The following ALCAM variants were observed in gnomAD, a reference collection of about 807,000 sequenced individuals.
The protein encoded by ALCAM is activated leukocyte cell adhesion molecule.
ALCAM carries 30 observed loss-of-function variants against 70.9 expected under a neutral mutation model. That is an observed-to-expected ratio of 0.42 (90% CI 0.32 to 0.57). The LOEUF is 0.57. Ranked by LOEUF, ALCAM falls within the 20% of genes least tolerant of loss-of-function variation. The pLI is 0.11. For missense variants in ALCAM, 591 were observed against 695.1 expected (o/e 0.85, Z 1.68); for synonymous variants, 249 against 242.5 (o/e 1.03, Z -0.25).
At chr3:105,400,943 T>C (rs761925589) in intron 1 of ALCAM, among the ~76,000 whole-genome samples, 13 of 152,326 alleles carry the variant, frequency 8.5e-5, no homozygotes, top group Non-Finnish European at 2.9e-5. Context: ...TTTAAAAATG[T>C]GTATTAAAGC....
At chr3:105,558,273 C>A (rs1228571256) in intron 14 of ALCAM, among the ~76,000 whole-genome samples, 2 of 152,122 alleles carry the variant, frequency 1.3e-5, no homozygotes, top group East Asian at 1.9e-4. Context: ...ATGCCTCACA[C>A]CCGCTCTAAG....
intron 14 of ALCAM, among the ~76,000 whole-genome samples, chr3:105,555,379 G>T (rs1030616175): frequency 7.2e-5 from 11 of 152,012 alleles, no homozygotes; most frequent in Non-Finnish European, 1.5e-4. Context: ...TTTGCTGAGT[G>T]CTTTGCATTC....
intron 6 of ALCAM, among the ~76,000 whole-genome samples, chr3:105,536,274 A>G (rs1939966793): frequency 6.6e-6 from 1 of 151,950 alleles, no homozygotes; most frequent in African/African-American, 2.4e-5. Flanking sequence ...TTGTATTTTT[A>G]GTAGAGGTGG....
chr3:105,514,430 T>C (rs1222899689), intron 1 of ALCAM, among the ~76,000 whole-genome samples: 3 of 151,936 alleles, frequency 2.0e-5, no homozygotes, highest in Non-Finnish European at 2.9e-5. Context: ...ATTTCATGCT[T>C]GTAGAATAAC....
intron 1 of ALCAM, among the ~76,000 whole-genome samples, chr3:105,467,357 T>G (rs1303210367): frequency 2.0e-5 from 3 of 151,198 alleles, no homozygotes; most frequent in African/African-American, 7.3e-5. Context: ...GATGATATTT[T>G]TATCTAGTAC....
intron 14 of ALCAM, among the ~76,000 whole-genome samples, chr3:105,566,722 A>G (rs2152635296): frequency 6.6e-6 from 1 of 152,244 alleles, no homozygotes; most frequent in Non-Finnish European, 1.5e-5. Flanking sequence ...CTTTGTTGCT[A>G]TTATTGTCAC....
At chr3:105,506,429 T>G (rs529545197) in intron 1 of ALCAM, among the ~76,000 whole-genome samples, 1 of 152,326 alleles carries the variant, frequency 6.6e-6, no homozygotes, top group East Asian at 1.9e-4. Flanking sequence ...GGTTTGTTTG[T>G]TTGGTTTCCA....
chr3:105,518,981 T>C lies in ALCAM; in HGVS notation c.74-1086T>C, dbSNP rs528708678. Among the ~76,000 whole-genome samples the C allele has an allele frequency of 7.2e-5, 11 of 152,164 alleles. No homozygotes were observed. In the East Asian group the frequency reaches 2.1e-3, roughly 29 times the overall value. On this transcript the variant is annotated intron_variant, in intron 1 of 15. Coordinates refer to ENST00000306107, the MANE Select transcript of ALCAM (RefSeq NM_001627.4). ...TCTTCAGAAAGTCAGAAGATGGTTTTATTTATGTGTTGCAGATTGCCGTCG... is the reference window on the plus strand; with the variant it reads ...TCTTCAGAAAGTCAGAAGATGGTTTCATTTATGTGTTGCAGATTGCCGTCG...
intron 14 of ALCAM, among the ~76,000 whole-genome samples, chr3:105,563,996 T>C (rs544892315): frequency 1.3e-4 from 20 of 152,186 alleles, no homozygotes; most frequent in Admixed American, 1.2e-3. Flanking sequence ...CCATTTCTTA[T>C]TTAATTCTTT....
chr3:105,523,895 A>T (rs1304330386), intron 2 of ALCAM, among the ~76,000 whole-genome samples: 1 of 152,236 alleles, frequency 6.6e-6, no homozygotes, highest in Non-Finnish European at 1.5e-5. Flanking sequence ...ATTGCCCAAA[A>T]TATCCAAACC....
At chr3:105,542,348 A>G (rs1192745737) in intron 8 of ALCAM, among the ~76,000 whole-genome samples, 2 of 151,870 alleles carry the variant, frequency 1.3e-5, no homozygotes, top group African/African-American at 2.4e-5. Flanking sequence ...TGATCTCCAA[A>G]TACTCCAAAA....
intron 1 of ALCAM, among the ~76,000 whole-genome samples, chr3:105,414,795 A>G (rs1455814257): frequency 6.6e-6 from 1 of 152,118 alleles, no homozygotes; most frequent in East Asian, 1.9e-4. Flanking sequence ...GTGTGATCTT[A>G]TTTTGTATAT....
At chr3:105,370,747 G>C (rs995692909) in intron 1 of ALCAM, among the ~76,000 whole-genome samples, 5 of 151,296 alleles carry the variant, frequency 3.3e-5, no homozygotes, top group Non-Finnish European at 7.4e-5. Flanking sequence ...AAAGCGTGAA[G>C]GAGAGAAATT....
intron 1 of ALCAM, among the ~76,000 whole-genome samples, chr3:105,367,967 A>G (rs1050524457): frequency 2.6e-5 from 4 of 151,832 alleles, no homozygotes; most frequent in African/African-American, 9.7e-5. Context: ...AGGGGTAGAG[A>G]AGGAGAGGAC....
intron 14 of ALCAM, among the ~76,000 whole-genome samples, chr3:105,564,485 A>G (rs537085815): frequency 6.6e-6 from 1 of 152,306 alleles, no homozygotes; most frequent in East Asian, 1.9e-4. Context: ...ACCTTTGTCT[A>G]TCACTTTCAT....
intron 1 of ALCAM, among the ~76,000 whole-genome samples, chr3:105,417,983 C>T (rs1936548075): frequency 6.6e-6 from 1 of 151,118 alleles, no homozygotes; most frequent in Admixed American, 6.6e-5. Context: ...ATGCAGTGAT[C>T]TAAAGGTAAA....
At chr3:105,448,132 TC>T (rs768937918) in intron 1 of ALCAM, among the ~76,000 whole-genome samples, 97 of 152,328 alleles carry the variant, frequency 6.4e-4, no homozygotes, top group Non-Finnish European at 1.3e-3. Flanking sequence ...TACTTAAAGT[TC>T]ATCTGAACCT....
At chr3:105,411,822 G>C (rs1039774592) in intron 1 of ALCAM, among the ~76,000 whole-genome samples, 1 of 152,020 alleles carries the variant, frequency 6.6e-6, no homozygotes, top group African/African-American at 2.4e-5. Context: ...AGAGAACACA[G>C]AGAAAGCTCT....
intron 2 of ALCAM, among the ~76,000 whole-genome samples, chr3:105,521,077 G>A (rs544358344): frequency 6.6e-6 from 1 of 151,886 alleles, no homozygotes; most frequent in South Asian, 2.1e-4. Context: ...CGAGGCGGGT[G>A]GATCATGAGG....
Sources: gnomAD v4.1 joint callset for allele counts (sites outside exome capture counted in the v4.1 genomes callset) on GRCh38, gnomAD v4.1.1 for gene constraint, MANE v1.5 for transcripts, NCBI Gene and HGNC (gene_info 2026-07-23, HGNC 2026-07-21) for gene names.